DPP4: variants seen among roughly 807,000 people sequenced by gnomAD.
The protein encoded by DPP4 is dipeptidyl peptidase 4, also known as ADCP-2.
DPP4 carries 93 observed loss-of-function variants against 122.4 expected under a neutral mutation model. The ratio of observed to expected loss-of-function variants is 0.76; its 90% CI spans 0.64 to 0.90. The LOEUF (loss-of-function observed/expected upper bound fraction) is 0.90, where lower values mean the gene tolerates loss of function less well. Ranked by LOEUF, DPP4 falls within the 40% of genes least tolerant of loss-of-function variation. The pLI is 0.00. For missense variants in DPP4, 914 were observed against 907.3 expected, an observed-to-expected ratio of 1.01 and a Z score of -0.09; for synonymous variants, 321 against 302.9, an observed-to-expected ratio of 1.06 and a Z score of -0.62.
chr2:162,010,658 G>A (rs1453384915), intron 20 of DPP4, among the ~76,000 whole-genome samples: 1 of 152,138 alleles, frequency 6.6e-6, no homozygotes, highest in Non-Finnish European at 1.5e-5. Flanking sequence ...GATCTGGATA[G>A]ATACAAGTTT....
intron 2 of DPP4, among the ~76,000 whole-genome samples, chr2:162,063,863 T>C (rs901812980): frequency 2.0e-5 from 3 of 152,126 alleles, no homozygotes; most frequent in Admixed American, 6.5e-5. Context: ...TTTAAGAATA[T>C]GAGACACTAC....
chr2:161,997,060 G>C (rs1701025457), intron 23 of DPP4, among the ~76,000 whole-genome samples: 1 of 152,204 alleles, frequency 6.6e-6, no homozygotes, highest in Non-Finnish European at 1.5e-5. Flanking sequence ...TTTCAGGACA[G>C]AGCCACCCAA....
chr2:162,020,449 C>T (rs1683083600), intron 13 of DPP4, 132 bp downstream of exon 13: 2 of 960,130 alleles, frequency 2.1e-6, no homozygotes, highest in Non-Finnish European at 1.5e-6. Context: ...TGACACAATA[C>T]ACCACTGAGG....
chr2:161,999,211 G>A (rs1033508116), intron 23 of DPP4, among the ~76,000 whole-genome samples: 1 of 152,136 alleles, frequency 6.6e-6, no homozygotes, highest in African/African-American at 2.4e-5. Flanking sequence ...TTACAGTCCA[G>A]TGTATGGCAC....
intron 15 of DPP4, 22 bp from the exon 16 acceptor site, chr2:162,018,872 T>C: frequency 6.2e-7 from 1 of 1,612,880 alleles, no homozygotes; most frequent in Non-Finnish European, 8.5e-7. Context: ...ACGGTGGAAA[T>C]TAAGTGCTTG....
chr2:162,005,499 C>T, intron 23 of DPP4: 1 of 356,298 alleles, frequency 2.8e-6, no homozygotes, highest in East Asian at 4.3e-5. Flanking sequence ...AAGTAATTAT[C>T]TGATGTTGCT....
intron 9 of DPP4, among the ~76,000 whole-genome samples, chr2:162,033,862 GTATA>G (rs138320647): frequency 0.029 from 2,996 of 104,010 alleles, 137 homozygotes; most frequent in African/African-American, 0.087. Context: ...CAGAATATGT[GTATA>G]TATATATATA....
intron 23 of DPP4, among the ~76,000 whole-genome samples, chr2:162,003,811 G>C (rs1219900605): frequency 6.6e-6 from 1 of 152,108 alleles, no homozygotes; most frequent in Non-Finnish European, 1.5e-5. Flanking sequence ...CTTCCTAAAG[G>C]CGAAGGCAAA....
chr2:162,055,256 T>C (rs76911509), intron 2 of DPP4, among the ~76,000 whole-genome samples: 1,731 of 152,336 alleles, frequency 0.011, 23 homozygotes, highest in East Asian at 0.038. Context: ...AGCCTCCATA[T>C]TGGAAGTCAG....
At position 162,066,246 on chromosome 2, in the gene DPP4, G is replaced by A. The variant is rs528028140; in HGVS notation, c.94+7153C>T. 1.6e-4 allele frequency among the ~76,000 whole-genome samples: 24 copies of A among 151,366 alleles called. No homozygotes were observed. The South Asian group carries it at 2.3e-3, about 15-fold the overall frequency. On this transcript the variant is annotated intron_variant, in intron 2 of 25. Coordinates refer to ENST00000360534, the MANE Select transcript of DPP4 (RefSeq NM_001935.4). ...GTCTTACCTCCAAAATACATCCTGC[G>A]TTTCTTTTTTTTTTTTAAACTTATT...
chr2:162,017,029 C>G, intron 17 of DPP4, 79 bp downstream of exon 17: 5 of 1,504,086 alleles, frequency 3.3e-6, no homozygotes, highest in Non-Finnish European at 4.5e-6. Flanking sequence ...CAAAGAAAAT[C>G]ACACAATGCT....
rs199556517 is a variant in DPP4 at position 162,039,024 on chromosome 2, G to A, written c.420-3C>T. On this transcript the variant is annotated splice_region_variant and splice_polypyrimidine_tract_variant and intron_variant, in intron 6 of 25. Transcript: ENST00000360534. ...TCCTCTCTTCTGTAATCAGCTGCCT[G>A]GAAAAAAGATGAAAGGAAATATTAT... 44 of 1,612,996 alleles carry A rather than the reference G, an allele frequency of 2.7e-5. No individual in the cohort carries two copies. The highest frequency in any genetic ancestry group is 4.4e-5 in the South Asian group (4 of 91,052).
At chr2:161,995,207 T>C in intron 24 of DPP4, 93 bp downstream of exon 24, 2 of 1,353,114 alleles carry the variant, frequency 1.5e-6, no homozygotes, top group East Asian at 4.6e-5. Context: ...TTGAAGTAAA[T>C]GTAACAGTCT....
At chr2:162,034,911 T>C (rs895798323) in intron 9 of DPP4, among the ~76,000 whole-genome samples, 5 of 152,190 alleles carry the variant, frequency 3.3e-5, no homozygotes, top group Admixed American at 3.3e-4. Flanking sequence ...TATCTCTTTC[T>C]AAAGCATTTT....
At chr2:162,032,545 C>T (rs903330827) in intron 10 of DPP4, among the ~76,000 whole-genome samples, 1 of 152,042 alleles carries the variant, frequency 6.6e-6, no homozygotes, top group Non-Finnish European at 1.5e-5. Flanking sequence ...ATTAGCCAGG[C>T]ATGCACCTGT....
intron 23 of DPP4, among the ~76,000 whole-genome samples, chr2:162,001,882 A>G: frequency 6.6e-6 from 1 of 152,172 alleles, no homozygotes; most frequent in Admixed American, 6.5e-5. Flanking sequence ...TTGGCTGCCC[A>G]TTTAGAGCTT....
intron 23 of DPP4, among the ~76,000 whole-genome samples, chr2:162,000,322 A>G (rs1387993245): frequency 2.0e-5 from 3 of 152,192 alleles, no homozygotes; most frequent in Non-Finnish European, 4.4e-5. Context: ...TCACTAAAAC[A>G]GATGTTTTAC....
intron 13 of DPP4, 21 bp from the exon 14 acceptor site, chr2:162,020,317 T>TTAA (rs1553663376): frequency 2.6e-5 from 36 of 1,374,628 alleles, no homozygotes; most frequent in Middle Eastern, 3.8e-4. Flanking sequence ...TTTTTTTTTT[T>TTAA]CAAAAAAAAA....
At chr2:162,065,387 C>T (rs933681250) in intron 2 of DPP4, among the ~76,000 whole-genome samples, 1 of 152,174 alleles carries the variant, frequency 6.6e-6, no homozygotes, top group Non-Finnish European at 1.5e-5. Context: ...AAAGACAAAA[C>T]TCCAAGGATG....
Sources: gnomAD v4.1 joint callset for allele counts (sites outside exome capture counted in the v4.1 genomes callset) on GRCh38, gnomAD v4.1.1 for gene constraint, MANE v1.5 for transcripts, NCBI Gene and HGNC (gene_info 2026-07-23, HGNC 2026-07-21) for gene names.